The following PARD3B variants were observed in gnomAD, a reference collection of about 807,000 sequenced individuals.
The protein encoded by PARD3B is par-3 family cell polarity regulator beta, also known as partitioning defective 3 homolog B.
A neutral mutation model predicts 130.2 loss-of-function variants in PARD3B; 103 were observed. That is an observed-to-expected ratio of 0.79 (90% CI 0.67 to 0.93). The LOEUF (loss-of-function observed/expected upper bound fraction) is 0.93. Ranked by LOEUF, PARD3B falls within the 40% of genes least tolerant of loss-of-function variation. PARD3B has a pLI of 0.00. For missense variants in PARD3B, 1,609 were observed against 1,499.2 expected (o/e 1.07, Z -1.21); for synonymous variants, 583 against 553.2 (o/e 1.05, Z -0.76).
intron 4 of PARD3B, among the ~76,000 whole-genome samples, chr2:205,097,436 A>T (rs938419088): frequency 1.4e-4 from 22 of 152,086 alleles, no homozygotes; most frequent in Admixed American, 5.2e-4. Flanking sequence ...CTTAGCTATA[A>T]AATGGGTGAA....
At chr2:205,307,321 A>G (rs1404834157) in intron 18 of PARD3B, among the ~76,000 whole-genome samples, 1 of 152,176 alleles carries the variant, frequency 6.6e-6, no homozygotes, top group African/African-American at 2.4e-5. Flanking sequence ...TCTAATTCCA[A>G]TATGCTTATA....
chr2:205,379,475 GT>G (rs200325376), intron 18 of PARD3B, among the ~76,000 whole-genome samples: 2 of 151,720 alleles, frequency 1.3e-5, no homozygotes, highest in Admixed American at 6.6e-5. Flanking sequence ...TATATTTGGG[GT>G]TTTTTTTAAA....
chr2:205,079,919 C>T (rs913015112), intron 4 of PARD3B, among the ~76,000 whole-genome samples: 10 of 152,078 alleles, frequency 6.6e-5, no homozygotes, highest in African/African-American at 2.4e-4. Flanking sequence ...TACTTTACTA[C>T]CCAGAAATCA....
chr2:205,544,569 G>A (rs2052304940), intron 21 of PARD3B, among the ~76,000 whole-genome samples: 1 of 152,112 alleles, frequency 6.6e-6, no homozygotes, highest in Admixed American at 6.6e-5. Context: ...AACAGAGCTG[G>A]CAGGAGATGT....
At chr2:204,841,140 A>G (rs1156570942) in intron 2 of PARD3B, among the ~76,000 whole-genome samples, 1 of 152,110 alleles carries the variant, frequency 6.6e-6, no homozygotes, top group African/African-American at 2.4e-5. Flanking sequence ...TATGTTAAAT[A>G]TTTAGTTTTC....
At chr2:204,934,995 C>A (rs1255262264) in intron 2 of PARD3B, among the ~76,000 whole-genome samples, 9 of 152,108 alleles carry the variant, frequency 5.9e-5, no homozygotes, top group African/African-American at 1.9e-4. Context: ...CTTATTATTT[C>A]TGCCCTCATG....
chr2:205,340,902 A>G (rs1049969872), intron 18 of PARD3B, among the ~76,000 whole-genome samples: 1 of 152,100 alleles, frequency 6.6e-6, no homozygotes, highest in Non-Finnish European at 1.5e-5. Context: ...TCAACAGCCG[A>G]AAAACAAATA....
intron 15 of PARD3B, among the ~76,000 whole-genome samples, chr2:205,232,929 C>A (rs2038911628): frequency 6.6e-6 from 1 of 152,014 alleles, no homozygotes; most frequent in African/African-American, 2.4e-5. Context: ...ATTGGATTCA[C>A]CAAATGAGAG....
chr2:205,577,253 G>GTT (rs36019925), intron 22 of PARD3B, among the ~76,000 whole-genome samples: 10 of 151,220 alleles, frequency 6.6e-5, no homozygotes, highest in South Asian at 4.2e-4. Context: ...AATGAAGACA[G>GTT]TTTTTTTTTC....
At position 205,485,752 on chromosome 2, in the gene PARD3B, G is replaced by C. The variant is rs537252807; in HGVS notation, c.3045-14144G>C. 5.3e-5 allele frequency among the ~76,000 whole-genome samples: 8 copies of C among 152,120 alleles called. No individual in the cohort carries two copies. The South Asian group carries it at 1.5e-3, about 28-fold the overall frequency. On this transcript the variant is annotated intron_variant, in intron 20 of 22. Transcript: ENST00000406610. Reference sequence around the variant, plus strand: ...CATTCCCCACACTTGTGCGGTGCCTGACTGTGTGCCCTTTCATGTGGCCAC... The same window carrying C: ...CATTCCCCACACTTGTGCGGTGCCTCACTGTGTGCCCTTTCATGTGGCCAC...
chr2:204,808,474 G>C lies in PARD3B; in HGVS notation c.222+122192G>C, dbSNP rs1425500065. On this transcript the variant is annotated intron_variant, in intron 2 of 22. Transcript: ENST00000406610. The stretch of plus-strand genomic sequence containing the variant: ...TAGTACCCAATAGCTGTTTTTTTCT[G>C]ATCCTCTCCCTCCTCCCACCTGCCT... Among the ~76,000 whole-genome samples the C allele has an allele frequency of 2.0e-5, 3 of 151,798 alleles. No homozygotes were observed. In the East Asian group the frequency reaches 5.8e-4, roughly 29 times the overall value.
chr2:204,844,775 A>G (rs879540328), intron 2 of PARD3B, among the ~76,000 whole-genome samples: 1 of 152,086 alleles, frequency 6.6e-6, no homozygotes, highest in Non-Finnish European at 1.5e-5. Context: ...TCTCAAGTGT[A>G]TTTTTCCAAT....
At chr2:204,962,201 C>G (rs1690797930) in intron 2 of PARD3B, among the ~76,000 whole-genome samples, 1 of 152,038 alleles carries the variant, frequency 6.6e-6, no homozygotes, top group Non-Finnish European at 1.5e-5. Flanking sequence ...CCTGGAAATG[C>G]CAGCACTGCA....
Position 205,091,757 on chromosome 2 carries a change from G to A in PARD3B, c.505-12669G>A, listed in dbSNP as rs1702124280. Reference sequence around the variant, plus strand: ...GTTGAATTATAGAACATGCAAAGGGGAACAGTAGACGGGCCATTCATTAGT... The same window carrying A: ...GTTGAATTATAGAACATGCAAAGGGAAACAGTAGACGGGCCATTCATTAGT... On this transcript the variant is annotated intron_variant, in intron 4 of 22. Transcript: ENST00000406610. This position sits in a 1 kb window ranked among gnomAD's most constrained non-coding sequence, Gnocchi z 4.2. Among the ~76,000 whole-genome samples the A allele has an allele frequency of 6.6e-6, 1 of 151,994 alleles. No homozygotes were observed. Among genetic ancestry groups the A allele is most frequent in the South Asian group, 2.1e-4 (1 of 4,804 alleles).
At chr2:204,564,984 C>T (rs1286423672) in intron 1 of PARD3B, among the ~76,000 whole-genome samples, 1 of 152,192 alleles carries the variant, frequency 6.6e-6, no homozygotes, top group African/African-American at 2.4e-5. Flanking sequence ...TTAGACTCAC[C>T]AGGCTGCAAT....
intron 2 of PARD3B, among the ~76,000 whole-genome samples, chr2:204,858,772 A>T (rs1440632114): frequency 6.7e-6 from 1 of 148,302 alleles, no homozygotes; most frequent in African/African-American, 2.4e-5. Context: ...TATATTATAT[A>T]TACATATATA....
intron 14 of PARD3B, among the ~76,000 whole-genome samples, chr2:205,191,062 C>G (rs986396869): frequency 5.1e-5 from 6 of 116,696 alleles, no homozygotes; most frequent in Non-Finnish European, 1.0e-4. Context: ...ACCCAGACAC[C>G]AGGAAAGAAA....
chr2:204,740,469 GTT>G (rs779849319), intron 2 of PARD3B, among the ~76,000 whole-genome samples: 49 of 152,318 alleles, frequency 3.2e-4, no homozygotes, highest in Non-Finnish European at 6.3e-4. Context: ...AACAAAAACT[GTT>G]TTATTATGCT....
intron 18 of PARD3B, among the ~76,000 whole-genome samples, chr2:205,399,542 A>G (rs923370192): frequency 3.3e-5 from 5 of 151,944 alleles, no homozygotes; most frequent in African/African-American, 1.2e-4. Context: ...TTTAGTAGAG[A>G]CAGGGTTTCA....
Sources: allele counts gnomAD v4.1 joint callset (sites outside exome capture counted in the v4.1 genomes callset), GRCh38; gene constraint gnomAD v4.1.1; non-coding constraint Gnocchi (gnomAD v3.1); transcripts MANE v1.5; gene names NCBI Gene and HGNC (gene_info 2026-07-23, HGNC 2026-07-21).